The following MVB12B variants were observed in gnomAD, a reference collection of about 807,000 sequenced individuals.
The protein encoded by MVB12B is ESCRT-I complex subunit MVB12B.
Under a neutral mutation model 41.6 loss-of-function variants are expected in MVB12B, and 16 were observed. The ratio of observed to expected loss-of-function variants is 0.38; its 90% CI spans 0.26 to 0.58. The LOEUF is 0.58. Among genes scored for constraint, MVB12B ranks in the 20% least tolerant of loss-of-function variants. The pLI is 0.62. For synonymous variants in MVB12B, 133 were observed against 139.7 expected (o/e 0.95, Z 0.34); for missense variants, 274 against 380.2 (o/e 0.72, Z 2.32).
chr9:126,372,271 C>T (rs1257540596), intron 2 of MVB12B, among the ~76,000 whole-genome samples: 4 of 152,176 alleles, frequency 2.6e-5, no homozygotes, highest in Non-Finnish European at 5.9e-5. Context: ...ACATTTTTAT[C>T]AGTTGATGAA....
chr9:126,429,941 A>G (rs1296594873), intron 7 of MVB12B, among the ~76,000 whole-genome samples: 1 of 152,200 alleles, frequency 6.6e-6, no homozygotes, highest in African/African-American at 2.4e-5. Flanking sequence ...TCAGTTCCCC[A>G]GCAGGTCCTC....
intron 9 of MVB12B, among the ~76,000 whole-genome samples, chr9:126,494,384 A>G (rs1302346321): frequency 2.6e-5 from 4 of 152,174 alleles, no homozygotes; most frequent in Admixed American, 6.5e-5. Flanking sequence ...CAAGGCATTC[A>G]TCATATGAAT....
chr9:126,463,297 C>T (rs1169279252), intron 7 of MVB12B, among the ~76,000 whole-genome samples: 5 of 152,102 alleles, frequency 3.3e-5, no homozygotes, highest in African/African-American at 7.2e-5. Context: ...GACTGTCAGC[C>T]GCATCCAGCT....
intron 7 of MVB12B, among the ~76,000 whole-genome samples, chr9:126,451,995 C>T (rs1039402550): frequency 6.6e-6 from 1 of 152,216 alleles, no homozygotes; most frequent in Non-Finnish European, 1.5e-5. Context: ...CATTCCTTAG[C>T]CCCGCTCACC....
At chr9:126,441,844 T>TG in intron 7 of MVB12B, among the ~76,000 whole-genome samples, 2 of 152,248 alleles carry the variant, frequency 1.3e-5, no homozygotes, top group Non-Finnish European at 2.9e-5. Flanking sequence ...AAGTGGACCA[T>TG]TAATGATTAG....
At position 126,392,693 on chromosome 9, in the gene MVB12B, G is replaced by A. The variant is rs1830994519; in HGVS notation, c.539+498G>A. 6.6e-6 allele frequency among the ~76,000 whole-genome samples: 1 copy of A among 152,226 alleles called. No homozygotes were observed. The highest frequency in any genetic ancestry group is 2.1e-4 in the South Asian group (1 of 4,832). ...AGTGAAACACAATGATGGAGTGGGG[G>A]CCTCTTCCGTGAGGGGGTCAGGAAG... On this transcript the variant is annotated intron_variant, in intron 5 of 9. Coordinates refer to ENST00000361171, the MANE Select transcript of MVB12B (RefSeq NM_033446.3). The surrounding 1 kb of genome is among the most constrained non-coding windows in gnomAD (Gnocchi z 4.8).
At chr9:126,335,470 A>G in intron 1 of MVB12B, 1 of 1,185,054 alleles carries the variant, frequency 8.4e-7, no homozygotes, top group African/African-American at 1.6e-5. Context: ...TGCATTGGTG[A>G]GGCCTGGCCA....
At chr9:126,423,614 C>G (rs937468949) in intron 7 of MVB12B, among the ~76,000 whole-genome samples, 2 of 152,196 alleles carry the variant, frequency 1.3e-5, no homozygotes, top group African/African-American at 4.8e-5. Context: ...TCCTCAGTGG[C>G]TGCAAGCACC....
Position 126,333,942 on chromosome 9 carries a change from T to C in MVB12B, c.82-6566T>C, listed in dbSNP as rs1333112673. On this transcript the variant is annotated intron_variant, in intron 1 of 9. Transcript: ENST00000361171. The surrounding 1 kb of genome is among the most constrained non-coding windows in gnomAD (Gnocchi z 4.7). The stretch of plus-strand genomic sequence containing the variant: ...GCTCTCTTGTACTTAAATTTTGGAC[T>C]GTAGACCAGCTGTTTTAGTGTCAGC... Among the ~76,000 whole-genome samples the C allele has an allele frequency of 6.6e-6, 1 of 152,212 alleles. No homozygotes were observed. The highest frequency in any genetic ancestry group is 1.5e-5 in the Non-Finnish European group (1 of 68,034).
In MVB12B at chr9:126,486,355, A is replaced by T. The variant is rs1345283870; in HGVS notation, c.873+2323A>T. Among the ~76,000 whole-genome samples, 1 of 152,154 alleles carries T rather than the reference A, an allele frequency of 6.6e-6. No individual in the cohort carries two copies. The highest frequency in any genetic ancestry group is 2.4e-5 in the African/African-American group (1 of 41,428). On this transcript the variant is annotated intron_variant, in intron 9 of 9. Transcript: ENST00000361171. This position sits in a 1 kb window ranked among gnomAD's most constrained non-coding sequence, Gnocchi z 4.7. The stretch of plus-strand genomic sequence containing the variant: ...TGGGGCCCTGCGTGTGGTGCAGCCC[A>T]GGGTATGTGAGGAAGGCCTCAGAGG...
chr9:126,387,430 CTCTGTCTCATTT>C lies in MVB12B; in HGVS notation c.409+783_409+794del, dbSNP rs529598467. Reference sequence around the variant, plus strand: ...CGACTCAGGGTTTATTTATTAAATTCTCTGTCTCATTTTCTGTCTCATACTTTATTCTTTCAT... The same window carrying C: ...CGACTCAGGGTTTATTTATTAAATTCTCTGTCTCATACTTTATTCTTTCAT... On this transcript the variant is annotated intron_variant, in intron 4 of 9. Transcript: ENST00000361171. Among the ~76,000 whole-genome samples, 66 of 152,096 alleles carry C rather than the reference CTCTGTCTCATTT, an allele frequency of 4.3e-4. 1 individual carries two copies. Among genetic ancestry groups the C allele is most frequent in the Non-Finnish European group, 9.0e-4 (61 of 68,022 alleles).
intron 6 of MVB12B, among the ~76,000 whole-genome samples, chr9:126,418,953 C>T (rs925907309): frequency 6.6e-6 from 1 of 152,130 alleles, no homozygotes; most frequent in African/African-American, 2.4e-5. Context: ...TCGTGTCCCC[C>T]TGCCTGTCCT....
At chr9:126,479,373 C>T (rs1197296683) in intron 7 of MVB12B, among the ~76,000 whole-genome samples, 1 of 152,162 alleles carries the variant, frequency 6.6e-6, no homozygotes, top group African/African-American at 2.4e-5. Flanking sequence ...TCCGGTGGGA[C>T]TTGACTCTGC....
intron 7 of MVB12B, among the ~76,000 whole-genome samples, chr9:126,440,202 T>C (rs1240536809): frequency 2.0e-5 from 3 of 152,204 alleles, no homozygotes; most frequent in Non-Finnish European, 2.9e-5. Flanking sequence ...GGCTGCTGAC[T>C]CCAGAGCACC....
chr9:126,503,334 C>A lies in MVB12B; in HGVS notation c.*71C>A. Reference sequence around the variant, plus strand: ...TGACGGCAGGGGCTGCTGCCCCCGCCTCCTCCTGCCGCCTCCGCCAGCCCT... The same window carrying A: ...TGACGGCAGGGGCTGCTGCCCCCGCATCCTCCTGCCGCCTCCGCCAGCCCT... On this transcript the variant is annotated 3_prime_UTR_variant, in exon 10 of 10. Transcript: ENST00000361171. 7.8e-7 allele frequency: 1 copy of A among 1,277,806 alleles called. No individual in the cohort carries two copies. The highest frequency in any genetic ancestry group is 1.1e-6 in the Non-Finnish European group (1 of 915,024). The allele number at this position is 1,277,806 out of a possible 1,614,324, so 79.2% of individuals were successfully genotyped here.
intron 2 of MVB12B, among the ~76,000 whole-genome samples, chr9:126,344,172 G>T (rs1299092365): frequency 1.3e-5 from 2 of 152,104 alleles, no homozygotes; most frequent in East Asian, 3.9e-4. Context: ...TGCCAGCTAG[G>T]AGCTGGGGAG....
intron 3 of MVB12B, among the ~76,000 whole-genome samples, chr9:126,382,647 G>A (rs1286598387): frequency 6.6e-6 from 1 of 152,184 alleles, no homozygotes; most frequent in Non-Finnish European, 1.5e-5. Context: ...TTAAAAATGA[G>A]TAGAGGCCGA....
At chr9:126,405,038 C>T (rs1783433061) in intron 6 of MVB12B, among the ~76,000 whole-genome samples, 1 of 152,210 alleles carries the variant, frequency 6.6e-6, no homozygotes, top group Non-Finnish European at 1.5e-5. Context: ...ATTTTTAATA[C>T]AGCTTCTTGG....
intron 7 of MVB12B, among the ~76,000 whole-genome samples, chr9:126,466,902 A>C (rs986273648): frequency 1.8e-4 from 27 of 151,922 alleles, no homozygotes; most frequent in African/African-American, 6.3e-4. Context: ...ATCTCAGCTC[A>C]CTGCATCCTC....
Sources: gnomAD v4.1 joint callset for allele counts (sites outside exome capture counted in the v4.1 genomes callset) on GRCh38, gnomAD v4.1.1 for gene constraint, Gnocchi (gnomAD v3.1) non-coding constraint, MANE v1.5 for transcripts, NCBI Gene and HGNC (gene_info 2026-07-23, HGNC 2026-07-21) for gene names.